CTNNA3: variants seen among roughly 807,000 people sequenced by gnomAD.
The protein encoded by CTNNA3 is catenin alpha-3.
In CTNNA3, 76 loss-of-function variants were observed where a neutral mutation model predicts 95.7. The ratio of observed to expected loss-of-function variants is 0.79; its 90% CI spans 0.66 to 0.96. The LOEUF (loss-of-function observed/expected upper bound fraction) is 0.96. Among genes scored for constraint, CTNNA3 ranks in the 40% least tolerant of loss-of-function variants. The probability of loss-of-function intolerance (pLI) is 0.00; values close to 1 mark genes in which losing one functional copy is unlikely to be tolerated. For missense variants in CTNNA3, 1,191 were observed against 1,089.8 expected, an observed-to-expected ratio of 1.09 and a Z score of -1.31; for synonymous variants, 431 against 374.4, an observed-to-expected ratio of 1.15 and a Z score of -1.74.
chr10:67,245,528 C>T (rs1211857066), intron 5 of CTNNA3, among the ~76,000 whole-genome samples: 1 of 152,098 alleles, frequency 6.6e-6, no homozygotes, highest in Non-Finnish European at 1.5e-5. Flanking sequence ...TTACTGATCA[C>T]ACATGCAAAA....
chr10:67,437,200 T>C (rs1846332277), intron 5 of CTNNA3, among the ~76,000 whole-genome samples: 1 of 152,176 alleles, frequency 6.6e-6, no homozygotes, highest in Non-Finnish European at 1.5e-5. Flanking sequence ...AGACTATTAT[T>C]CTAAGTGAAG....
chr10:66,507,646 A>G (rs1020624911), intron 11 of CTNNA3, among the ~76,000 whole-genome samples: 1 of 152,214 alleles, frequency 6.6e-6, no homozygotes, highest in East Asian at 1.9e-4. Flanking sequence ...AATGTCCTCC[A>G]GGCTCATCCA....
At chr10:66,380,768 T>C (rs1433651681) in intron 11 of CTNNA3, among the ~76,000 whole-genome samples, 1 of 151,944 alleles carries the variant, frequency 6.6e-6, no homozygotes, top group Non-Finnish European at 1.5e-5. Flanking sequence ...GTTATAATTG[T>C]TTTCTGTGTG....
intron 5 of CTNNA3, among the ~76,000 whole-genome samples, chr10:67,254,219 C>T (rs1264802420): frequency 6.6e-6 from 1 of 151,936 alleles, no homozygotes; most frequent in Non-Finnish European, 1.5e-5. Context: ...CCCCGAGACT[C>T]ACTTTAGTTC....
At chr10:66,272,403 A>G (rs920858428) in intron 13 of CTNNA3, among the ~76,000 whole-genome samples, 3 of 152,204 alleles carry the variant, frequency 2.0e-5, no homozygotes, top group African/African-American at 7.2e-5. Flanking sequence ...TAAATTCTCC[A>G]CAGTCAACAA....
At chr10:67,507,230 G>A (rs997636735) in intron 5 of CTNNA3, among the ~76,000 whole-genome samples, 1 of 152,082 alleles carries the variant, frequency 6.6e-6, no homozygotes, top group African/African-American at 2.4e-5. Context: ...CCAATAATGA[G>A]TAAGAAAATT....
At chr10:66,044,239 C>T (rs2079771329) in intron 15 of CTNNA3, among the ~76,000 whole-genome samples, 1 of 152,186 alleles carries the variant, frequency 6.6e-6, no homozygotes, top group Non-Finnish European at 1.5e-5. Flanking sequence ...TGATCTACCG[C>T]CTTGGCCTCC....
chr10:65,938,993 C>G (rs1036131186), intron 17 of CTNNA3, among the ~76,000 whole-genome samples: 36 of 151,918 alleles, frequency 2.4e-4, no homozygotes, highest in Non-Finnish European at 4.9e-4. Flanking sequence ...AGCTCCGCCT[C>G]CCGGGTTCAC....
intron 3 of CTNNA3, among the ~76,000 whole-genome samples, chr10:67,577,616 G>A (rs1031635712): frequency 6.6e-6 from 1 of 151,112 alleles, no homozygotes; most frequent in African/African-American, 2.4e-5. Flanking sequence ...GTCCTGAATG[G>A]TAATGCCTAG....
At chr10:66,878,608 T>C (rs986507110) in intron 7 of CTNNA3, among the ~76,000 whole-genome samples, 16 of 152,130 alleles carry the variant, frequency 1.1e-4, no homozygotes, top group African/African-American at 3.4e-4. Context: ...ATAGCCATTA[T>C]AACCCTACCT....
At chr10:66,683,725 G>C (rs1293462755) in intron 9 of CTNNA3, among the ~76,000 whole-genome samples, 1 of 152,166 alleles carries the variant, frequency 6.6e-6, no homozygotes, top group Non-Finnish European at 1.5e-5. Context: ...ATTCAAGTTT[G>C]AGGGAACTGC....
intron 7 of CTNNA3, among the ~76,000 whole-genome samples, chr10:66,807,146 C>T (rs543572922): frequency 6.6e-6 from 1 of 151,982 alleles, no homozygotes; most frequent in Non-Finnish European, 1.5e-5. Flanking sequence ...ACCTGTGTAA[C>T]CCAGTTTCTC....
chr10:67,064,389 T>TAATAGCAATTTACTAGTACTATTTG (rs1855948251), intron 7 of CTNNA3, among the ~76,000 whole-genome samples: 2 of 152,166 alleles, frequency 1.3e-5, no homozygotes, highest in South Asian at 4.1e-4. Flanking sequence ...CTAGTACTAG[T>TAATAGCAATTTACTAGTACTATTTG]GTAACCGAAA....
At chr10:67,417,725 T>G (rs1432764753) in intron 5 of CTNNA3, among the ~76,000 whole-genome samples, 2 of 152,168 alleles carry the variant, frequency 1.3e-5, no homozygotes, top group South Asian at 2.1e-4. Flanking sequence ...CCAGTTTGGA[T>G]TGGGTTAAAT....
chr10:66,353,922 T>A (rs886921005), intron 12 of CTNNA3, among the ~76,000 whole-genome samples: 3 of 151,640 alleles, frequency 2.0e-5, no homozygotes, highest in Admixed American at 1.3e-4. Flanking sequence ...ACACACAAAA[T>A]CTCAAAAATG....
At chr10:66,590,433 C>G (rs7912401) in intron 10 of CTNNA3, among the ~76,000 whole-genome samples, 30,068 of 151,954 alleles carry the variant, frequency 0.2, 3,510 homozygotes, top group African/African-American at 0.32. Context: ...CATTTTGAGA[C>G]AAAAGTGAAA....
intron 5 of CTNNA3, among the ~76,000 whole-genome samples, chr10:67,490,096 T>C (rs1157955498): frequency 6.6e-6 from 1 of 152,168 alleles, no homozygotes; most frequent in African/African-American, 2.4e-5. Context: ...CCATTGCCCA[T>C]GTTCTAATCT....
At chr10:67,527,751 G>A (rs1341890883) in intron 4 of CTNNA3, among the ~76,000 whole-genome samples, 1 of 152,204 alleles carries the variant, frequency 6.6e-6, no homozygotes, top group Non-Finnish European at 1.5e-5. Flanking sequence ...GGTGGAAGTG[G>A]TCCTGTCAAT....
chr10:67,135,861 A>T (rs1860279555), intron 7 of CTNNA3, among the ~76,000 whole-genome samples: 8 of 152,166 alleles, frequency 5.3e-5, no homozygotes, highest in Admixed American at 5.2e-4. Flanking sequence ...CTTTTGACCC[A>T]ATTATATGTT....
Sources: gnomAD v4.1 joint callset for allele counts (sites outside exome capture counted in the v4.1 genomes callset) on GRCh38, gnomAD v4.1.1 for gene constraint, MANE v1.5 for transcripts, NCBI Gene and HGNC (gene_info 2026-07-23, HGNC 2026-07-21) for gene names.